RBMS3: variants seen among roughly 807,000 people sequenced by gnomAD.
RBMS3 encodes RNA binding motif single stranded interacting protein 3, also known as RNA-binding motif, single-stranded-interacting protein 3.
In RBMS3, 27 loss-of-function variants were observed where a neutral mutation model predicts 66.8. The observed-to-expected ratio is 0.40, with a 90% confidence interval of 0.30 to 0.56. The LOEUF (loss-of-function observed/expected upper bound fraction) is 0.56. Among genes scored for constraint, RBMS3 ranks in the 20% least tolerant of loss-of-function variants. The pLI is 0.40. For missense variants in RBMS3, 513 were observed against 549.5 expected, an observed-to-expected ratio of 0.93 and a Z score of 0.66; for synonymous variants, 188 against 183.0, an observed-to-expected ratio of 1.03 and a Z score of -0.22.
intron 1 of RBMS3, among the ~76,000 whole-genome samples, chr3:29,374,347 G>A (rs977104959): frequency 1.3e-5 from 2 of 152,122 alleles, no homozygotes; most frequent in African/African-American, 4.8e-5. Flanking sequence ...GATTTCCCAG[G>A]AATTTTTCAA....
At chr3:29,670,156 C>T (rs758342632) in intron 4 of RBMS3, among the ~76,000 whole-genome samples, 35 of 152,096 alleles carry the variant, frequency 2.3e-4, no homozygotes, top group Non-Finnish European at 4.9e-4. Context: ...AAAGGCTAAA[C>T]GGACCCTTAT....
At chr3:29,364,888 C>T (rs758275432) in intron 1 of RBMS3, among the ~76,000 whole-genome samples, 2 of 152,066 alleles carry the variant, frequency 1.3e-5, no homozygotes, top group Non-Finnish European at 2.9e-5. Context: ...GTTTTGCCAG[C>T]ATAATGAGTT....
chr3:29,957,440 A>G (rs1696117699), intron 12 of RBMS3, among the ~76,000 whole-genome samples: 1 of 152,206 alleles, frequency 6.6e-6, no homozygotes, highest in Non-Finnish European at 1.5e-5. Flanking sequence ...AGAGGAAAAC[A>G]GACTCAGAAT....
intron 4 of RBMS3, among the ~76,000 whole-genome samples, chr3:29,664,611 A>C (rs1407214092): frequency 3.3e-5 from 5 of 152,098 alleles, no homozygotes; most frequent in Admixed American, 6.5e-5. Flanking sequence ...GATAAGCATT[A>C]TACAAAAAAA....
rs149102656 is a variant in RBMS3, at chr3:29,734,566, C to T, written c.400-5154C>T. ...TTAAAAATGTTTTTTAAAAAGGGTTCGATAGTATATAAAGTAAGCAAGAAC... is the reference window on the plus strand; with the variant it reads ...TTAAAAATGTTTTTTAAAAAGGGTTTGATAGTATATAAAGTAAGCAAGAAC... On this transcript the variant is annotated intron_variant, in intron 4 of 14. Transcript: ENST00000383767. Among the ~76,000 whole-genome samples the T allele has an allele frequency of 4.5e-3, 690 of 151,958 alleles. 8 individuals carry two copies. The highest frequency in any genetic ancestry group is 0.037 in the Middle Eastern group (11 of 294).
At position 29,849,233 on chromosome 3, in the gene RBMS3, A is replaced by G. The variant is rs1034003857; in HGVS notation, c.638-19625A>G. 7.3e-5 allele frequency among the ~76,000 whole-genome samples: 11 copies of G among 150,892 alleles called. 1 individual carries two copies. The East Asian group carries it at 1.2e-3, about 16-fold the overall frequency. On this transcript the variant is annotated intron_variant, in intron 6 of 14. Transcript: ENST00000383767. ...GTATTTCACATATAAAAGCAGGCCA[A>G]TGTTGAGCGTAGTGGCTCCCACCTG...
intron 6 of RBMS3, chr3:29,765,599 T>G (rs1576739498): frequency 6.6e-6 from 1 of 151,990 alleles, no homozygotes; most frequent in African/African-American, 2.4e-5. Context: ...GCACATTGAT[T>G]GTTTAAATAC....
At chr3:29,497,754 G>A (rs2043808583) in intron 3 of RBMS3, among the ~76,000 whole-genome samples, 1 of 151,994 alleles carries the variant, frequency 6.6e-6, no homozygotes. Context: ...CTGGGACCCA[G>A]GTAGTTAGGA....
intron 3 of RBMS3, among the ~76,000 whole-genome samples, chr3:29,503,304 A>C (rs1292969071): frequency 6.6e-6 from 1 of 151,828 alleles, no homozygotes; most frequent in Non-Finnish European, 1.5e-5. Flanking sequence ...CTATTGTCTC[A>C]AGTTGCCCTC....
chr3:29,972,065 A>G (rs1697264733), intron 12 of RBMS3, among the ~76,000 whole-genome samples: 1 of 152,164 alleles, frequency 6.6e-6, no homozygotes, highest in Non-Finnish European at 1.5e-5. Context: ...ACAATTACAT[A>G]CTTTGCTTCT....
chr3:29,867,416 T>G (rs979797112), intron 6 of RBMS3, among the ~76,000 whole-genome samples: 4 of 149,028 alleles, frequency 2.7e-5, no homozygotes, highest in African/African-American at 1.0e-4. Context: ...TATTTTTTTC[T>G]GTTGTGAACT....
chr3:29,604,408 C>T (rs978714820), intron 4 of RBMS3, among the ~76,000 whole-genome samples: 3 of 151,882 alleles, frequency 2.0e-5, no homozygotes, highest in Non-Finnish European at 2.9e-5. Context: ...GCCTTTGTGA[C>T]ACTTCTATTT....
At chr3:29,563,677 A>T (rs562496941) in intron 3 of RBMS3, among the ~76,000 whole-genome samples, 9 of 152,322 alleles carry the variant, frequency 5.9e-5, no homozygotes, top group East Asian at 1.9e-4. Flanking sequence ...ATAACTTTTT[A>T]AAAAAACTTC....
rs151030062 is a variant in RBMS3, at chr3:29,561,412, C to G, written c.308-25702C>G. Among the ~76,000 whole-genome samples the G allele has an allele frequency of 1.0e-3, 156 of 151,534 alleles. 8 individuals carry two copies. The East Asian group carries it at 0.026, about 25-fold the overall frequency. On this transcript the variant is annotated intron_variant, in intron 3 of 14. Coordinates refer to ENST00000383767, the MANE Select transcript of RBMS3 (RefSeq NM_001003793.3). ...ATAAAGTTTTCCCTTTTTTCCACAA[C>G]CTTGCCAGCATCTGTTGTTTTTGTT...
At chr3:29,602,959 G>T (rs570857902) in intron 4 of RBMS3, among the ~76,000 whole-genome samples, 22 of 151,080 alleles carry the variant, frequency 1.5e-4, no homozygotes, top group Admixed American at 7.3e-4. Flanking sequence ...TCTAGGTCAC[G>T]TTCCCCTTTT....
intron 10 of RBMS3, among the ~76,000 whole-genome samples, chr3:29,900,309 T>G (rs891202573): frequency 1.3e-5 from 2 of 151,752 alleles, no homozygotes; most frequent in African/African-American, 4.8e-5. Flanking sequence ...GATGGCAAGG[T>G]GTGTAAATAT....
intron 7 of RBMS3, among the ~76,000 whole-genome samples, chr3:29,879,919 G>A (rs2059697988): frequency 6.6e-6 from 1 of 152,046 alleles, no homozygotes; most frequent in African/African-American, 2.4e-5. Context: ...AGCAATGCCT[G>A]GTTCCTAATG....
intron 2 of RBMS3, among the ~76,000 whole-genome samples, chr3:29,470,818 TATCAC>T (rs1458731092): frequency 1.3e-5 from 2 of 152,004 alleles, no homozygotes; most frequent in Non-Finnish European, 2.9e-5. Flanking sequence ...TTTAGTAACT[TATCAC>T]AATCAATCAA....
At chr3:29,363,592 C>T (rs1180500004) in intron 1 of RBMS3, among the ~76,000 whole-genome samples, 2 of 152,172 alleles carry the variant, frequency 1.3e-5, no homozygotes, top group East Asian at 3.9e-4. Flanking sequence ...AGTTTGAGAC[C>T]AGCCTGGCCG....
Sources: gnomAD v4.1 joint callset for allele counts (sites outside exome capture counted in the v4.1 genomes callset) on GRCh38, gnomAD v4.1.1 for gene constraint, MANE v1.5 for transcripts, NCBI Gene and HGNC (gene_info 2026-07-23, HGNC 2026-07-21) for gene names.